MTFR1: variants seen among roughly 807,000 people sequenced by gnomAD.
MTFR1 encodes the protein chondrocyte protein with a poly-proline region.
A neutral mutation model predicts 38.8 loss-of-function variants in MTFR1; 28 were observed. That is an observed-to-expected ratio of 0.72 (90% CI 0.53 to 0.99). The LOEUF (loss-of-function observed/expected upper bound fraction) is 0.99, where lower values mean the gene tolerates loss of function less well. Among genes scored for constraint, MTFR1 ranks in the 50% least tolerant of loss-of-function variants. The pLI is 0.00. For missense variants in MTFR1, 358 were observed against 395.5 expected, an observed-to-expected ratio of 0.91 and a Z score of 0.81; for synonymous variants, 145 against 137.0, an observed-to-expected ratio of 1.06 and a Z score of -0.41.
chr8:65,719,365 C>A, intron 2 of MTFR1: 1 of 1,613,974 alleles, frequency 6.2e-7, no homozygotes, highest in East Asian at 2.2e-5. Flanking sequence ...CACTGCTCGA[C>A]TGTTCTCTCT....
chr8:65,763,929 A>G (rs1245944678), intron 3 of MTFR1, among the ~76,000 whole-genome samples: 6 of 152,244 alleles, frequency 3.9e-5, no homozygotes, highest in Non-Finnish European at 8.8e-5. Flanking sequence ...GAGTTAAGGA[A>G]GATATTTAGA....
chr8:65,740,634 TTGTGA>T (rs1231953269), intron 3 of MTFR1, among the ~76,000 whole-genome samples: 1 of 152,120 alleles, frequency 6.6e-6, no homozygotes, highest in Non-Finnish European at 1.5e-5. Context: ...ACTCCTGACC[TTGTGA>T]TCCGCCCGCC....
intron 3 of MTFR1, among the ~76,000 whole-genome samples, chr8:65,726,681 A>G (rs184264827): frequency 6.6e-4 from 100 of 152,346 alleles, no homozygotes; most frequent in Admixed American, 1.3e-3. Context: ...AAAAATAACT[A>G]TCCATTAAAA....
At chr8:65,708,183 A>T in intron 7 of MTFR1, 172 bp downstream of exon 7, 1 of 1,300,096 alleles carries the variant, frequency 7.7e-7, no homozygotes. Flanking sequence ...AAAGGATGAC[A>T]TCTTTGCTTA....
downstream of MTFR1, among the ~76,000 whole-genome samples, chr8:65,776,223 C>T (rs1809255152): frequency 6.6e-6 from 1 of 152,122 alleles, no homozygotes; most frequent in Admixed American, 6.5e-5. Flanking sequence ...CATTATTTAT[C>T]TTCTACCTAC....
chr8:65,743,627 T>C (rs1563482635), intron 3 of MTFR1, among the ~76,000 whole-genome samples: 1 of 152,200 alleles, frequency 6.6e-6, no homozygotes, highest in Admixed American at 6.5e-5. Flanking sequence ...AATGGAGTGA[T>C]ACTAAAAGAC....
rs1179431555 is a variant in MTFR1 at position 65,730,171 on chromosome 8, CTTTTTTTTTTT to C, written c.*48+10706_*48+10716del. On this transcript the variant is annotated intron_variant, in intron 3 of 3. Coordinates refer to the MTFR1 transcript ENST00000521247. Reference sequence around the variant, plus strand: ...TGTGAGGGATCCAGGTTGCGCACTTCTTTTTTTTTTTTTTTTTTTTTTTTTTGAGATGGAGT... The same window carrying C: ...TGTGAGGGATCCAGGTTGCGCACTTCTTTTTTTTTTTTTTTGAGATGGAGT... Among the ~76,000 whole-genome samples the C allele has an allele frequency of 1.0e-4, 9 of 86,450 alleles. 1 individual carries two copies. Among genetic ancestry groups the C allele is most frequent in the South Asian group, 4.7e-4 (1 of 2,108 alleles). The allele number at this position is 86,450 out of a possible 152,430, so 56.7% of individuals were successfully genotyped here.
At chr8:65,682,982 G>T (rs117978077) in intron 3 of MTFR1, 1 of 939,692 alleles carries the variant, frequency 1.1e-6, no homozygotes, top group Admixed American at 6.2e-5. Context: ...TAGTCAAACC[G>T]TGAATCAGGA....
chr8:65,732,440 C>A lies in MTFR1; in HGVS notation c.*48+12959C>A, dbSNP rs901093238. Among the ~76,000 whole-genome samples the A allele has an allele frequency of 3.9e-5, 6 of 152,226 alleles. No homozygotes were observed. In the East Asian group the frequency reaches 1.2e-3, roughly 29 times the overall value. ...TTCCTTGCACCAGGATAGAGCCTGGCATGTGGCAGATGCTCAAAGAGTATA... is the reference window on the plus strand; with the variant it reads ...TTCCTTGCACCAGGATAGAGCCTGGAATGTGGCAGATGCTCAAAGAGTATA... On this transcript the variant is annotated intron_variant, in intron 3 of 3. Coordinates refer to the MTFR1 transcript ENST00000521247.
rs778534726 is a variant in MTFR1 at position 65,678,726 on chromosome 8, C to G, written c.67-3627C>G. On this transcript the variant is annotated intron_variant, in intron 2 of 7. Coordinates refer to ENST00000262146, the MANE Select transcript of MTFR1 (RefSeq NM_014637.4). ...AACCAGCCTGGCCAACATCGTGAAA[C>G]CCCGTCTCTACTAAAAATACAAAAA... Among the ~76,000 whole-genome samples, 49 of 152,032 alleles carry G rather than the reference C, an allele frequency of 3.2e-4. 1 individual carries two copies. Among genetic ancestry groups the G allele is most frequent in the Non-Finnish European group, 5.9e-4 (40 of 68,006 alleles).
intron 3 of MTFR1, chr8:65,734,743 C>T (rs753841456): frequency 1.3e-5 from 13 of 1,032,268 alleles, no homozygotes; most frequent in Non-Finnish European, 2.0e-5. Flanking sequence ...GAAAGTAAAT[C>T]AAAAGGAATT....
At chr8:65,652,867 T>A (rs1482458371) in intron 1 of MTFR1, among the ~76,000 whole-genome samples, 1 of 152,218 alleles carries the variant, frequency 6.6e-6, no homozygotes, top group Non-Finnish European at 1.5e-5. Flanking sequence ...TCTTGCCTGA[T>A]TGCTCTAGCT....
At chr8:65,710,564 C>CA (rs1317923389), downstream of MTFR1, 1 of 152,494 alleles carries the variant, frequency 6.6e-6, no homozygotes, top group Non-Finnish European at 1.5e-5. Flanking sequence ...TTCCTTGGAC[C>CA]ATAGTGCTTC....
chr8:65,750,687 T>C (rs141128366), intron 3 of MTFR1, among the ~76,000 whole-genome samples: 12 of 152,306 alleles, frequency 7.9e-5, no homozygotes, highest in African/African-American at 2.9e-4. Context: ...ATTGGTACTG[T>C]CTGGGAGCCA....
intron 3 of MTFR1, among the ~76,000 whole-genome samples, chr8:65,748,468 T>C (rs1314703492): frequency 6.6e-6 from 1 of 152,198 alleles, no homozygotes; most frequent in African/African-American, 2.4e-5. Context: ...AGCCATTTTT[T>C]CCCTCTAGTG....
At chr8:65,751,656 C>T (rs568723003) in intron 3 of MTFR1, among the ~76,000 whole-genome samples, 183 of 152,226 alleles carry the variant, frequency 1.2e-3, no homozygotes, top group Middle Eastern at 6.8e-3. Context: ...CCACACCCAG[C>T]TAATTTTGTA....
chr8:65,776,336 C>A, the MTFR1 span, among the ~76,000 whole-genome samples: 1 of 152,096 alleles, frequency 6.6e-6, no homozygotes, highest in Non-Finnish European at 1.5e-5. Flanking sequence ...GAATTAACAT[C>A]ACCTTGACTT....
At chr8:65,776,199 A>G (rs1461719390), downstream of MTFR1, among the ~76,000 whole-genome samples, 4 of 152,006 alleles carry the variant, frequency 2.6e-5, no homozygotes, top group African/African-American at 7.3e-5. Context: ...TGAAATTGCT[A>G]TTTCTACCCA....
intron 3 of MTFR1, among the ~76,000 whole-genome samples, chr8:65,729,398 GCAAAT>G (rs1393844706): frequency 1.6e-5 from 2 of 128,072 alleles, no homozygotes; most frequent in Non-Finnish European, 3.2e-5. Flanking sequence ...GGCTAAATTG[GCAAAT>G]CAAAAATATA....
Sources: allele counts gnomAD v4.1 joint callset (sites outside exome capture counted in the v4.1 genomes callset), GRCh38; gene constraint gnomAD v4.1.1; transcripts MANE v1.5; gene names NCBI Gene and HGNC (gene_info 2026-07-23, HGNC 2026-07-21).